Variants in B4GALT6 observed in about 807,000 individuals in gnomAD.
B4GALT6 encodes UDP-Gal:beta-GlcNAc beta-1,4-galactosyltransferase 6.
Under a neutral mutation model 46.3 loss-of-function variants are expected in B4GALT6, and 14 were observed. That is an observed-to-expected ratio of 0.30 (90% CI 0.20 to 0.47). The LOEUF is 0.47. Ranked by LOEUF, B4GALT6 falls within the 20% of genes least tolerant of loss-of-function variation. The pLI is 0.99. For missense variants in B4GALT6, 386 were observed against 480.1 expected, an observed-to-expected ratio of 0.80 and a Z score of 1.83; for synonymous variants, 168 against 162.0, an observed-to-expected ratio of 1.04 and a Z score of -0.28.
the B4GALT6 span, among the ~76,000 whole-genome samples, chr18:31,692,657 CA>C: frequency 2.0e-5 from 3 of 151,640 alleles, no homozygotes; most frequent in Admixed American, 6.6e-5. Context: ...ATTCAAATAA[CA>C]AAAAAAGACA....
At chr18:31,639,452 G>A (rs1461141765) in intron 4 of B4GALT6, among the ~76,000 whole-genome samples, 3 of 152,104 alleles carry the variant, frequency 2.0e-5, no homozygotes, top group Non-Finnish European at 4.4e-5. Context: ...TCCAGCCATA[G>A]CATACAAAAA....
upstream of B4GALT6, among the ~76,000 whole-genome samples, chr18:31,688,510 TGTA>T (rs1338488258): frequency 2.0e-5 from 3 of 152,092 alleles, no homozygotes; most frequent in Non-Finnish European, 4.4e-5. Context: ...AATTCTGTAT[TGTA>T]GTTAAAATTT....
chr18:31,648,096 C>G (rs1307964641), intron 3 of B4GALT6, among the ~76,000 whole-genome samples: 1 of 152,116 alleles, frequency 6.6e-6, no homozygotes, highest in Admixed American at 6.5e-5. Flanking sequence ...TTATTTCACT[C>G]GCTGAGATTT....
chr18:31,632,513 A>C (rs573478748), intron 5 of B4GALT6, among the ~76,000 whole-genome samples: 136 of 152,276 alleles, frequency 8.9e-4, no homozygotes, highest in African/African-American at 3.1e-3. Context: ...TTATTCCGGT[A>C]TTTATCTACA....
At chr18:31,631,396 G>T (rs2073789318) in intron 5 of B4GALT6, among the ~76,000 whole-genome samples, 1 of 151,770 alleles carries the variant, frequency 6.6e-6, no homozygotes, top group African/African-American at 2.4e-5. Context: ...GTTGCATCAT[G>T]ATCAAATGAT....
intron 1 of B4GALT6, 92 bp downstream of exon 1, chr18:31,684,220 A>C: frequency 6.3e-7 from 1 of 1,580,664 alleles, no homozygotes; most frequent in Non-Finnish European, 8.6e-7. Context: ...CCCCTGTTTG[A>C]ACAGCTTCCA....
chr18:31,634,551 C>T (rs958652878), intron 5 of B4GALT6, among the ~76,000 whole-genome samples: 10 of 152,164 alleles, frequency 6.6e-5, no homozygotes, highest in African/African-American at 2.4e-4. Context: ...TTAACCGAAA[C>T]GTGTGAAAAT....
the B4GALT6 span, among the ~76,000 whole-genome samples, chr18:31,708,851 A>G: frequency 1.3e-5 from 2 of 152,202 alleles, no homozygotes; most frequent in Non-Finnish European, 2.9e-5. Context: ...AGGTTTTCGA[A>G]TAAATGAATG....
chr18:31,657,805 G>A (rs1012907783), intron 3 of B4GALT6, among the ~76,000 whole-genome samples, 171 bp downstream of exon 3: 5 of 152,002 alleles, frequency 3.3e-5, no homozygotes, highest in African/African-American at 1.2e-4. Flanking sequence ...TTCAAAATGC[G>A]CTTTGCCAAA....
upstream of B4GALT6, among the ~76,000 whole-genome samples, chr18:31,688,467 CTA>C (rs1310079980): frequency 6.6e-6 from 1 of 151,648 alleles, no homozygotes; most frequent in East Asian, 1.9e-4. Flanking sequence ...TTTAATAATT[CTA>C]TATATATGAA....
At chr18:31,700,168 C>A in the B4GALT6 span, among the ~76,000 whole-genome samples, 1 of 151,974 alleles carries the variant, frequency 6.6e-6, no homozygotes, top group East Asian at 1.9e-4. Flanking sequence ...TATATTATAA[C>A]TCAATACATG....
the B4GALT6 span, among the ~76,000 whole-genome samples, chr18:31,723,795 G>A: frequency 6.6e-6 from 1 of 152,156 alleles, no homozygotes; most frequent in African/African-American, 2.4e-5. Context: ...CATTTTGCAG[G>A]TCAGTTGCTT....
At chr18:31,694,100 G>C in the B4GALT6 span, among the ~76,000 whole-genome samples, 2 of 152,182 alleles carry the variant, frequency 1.3e-5, no homozygotes, top group Admixed American at 1.3e-4. Context: ...TCTTAAAATA[G>C]GTCAAGGCAA....
chr18:31,691,921 G>A, the B4GALT6 span, among the ~76,000 whole-genome samples: 4 of 150,520 alleles, frequency 2.7e-5, no homozygotes, highest in African/African-American at 9.7e-5. Flanking sequence ...ATTCAAAAGA[G>A]AGAAAGAAAC....
At position 31,638,627 on chromosome 18, in the gene B4GALT6, A is replaced by G; in HGVS notation, c.588+17T>C. 1.3e-6 allele frequency: 2 copies of G among 1,557,646 alleles called. No homozygotes were observed. The highest frequency in any genetic ancestry group is 1.8e-6 in the Non-Finnish European group (2 of 1,128,968). ...GATTCTAGTATACTTAGTGACCACT[A>G]TGAAAAGTATTCTCACCTGTTCAAT... On this transcript the variant is annotated intron_variant, in intron 5 of 8. Coordinates refer to ENST00000306851, the MANE Select transcript of B4GALT6 (RefSeq NM_004775.5).
intron 3 of B4GALT6, among the ~76,000 whole-genome samples, chr18:31,656,639 GGGT>G (rs1567972934): frequency 6.6e-6 from 1 of 152,016 alleles, no homozygotes; most frequent in Non-Finnish European, 1.5e-5. Context: ...TATGGCCTCT[GGGT>G]AAGAAAAGGT....
At chr18:31,658,839 TG>T (rs2074175955) in intron 2 of B4GALT6, among the ~76,000 whole-genome samples, 3 of 152,178 alleles carry the variant, frequency 2.0e-5, no homozygotes, top group Admixed American at 1.3e-4. Flanking sequence ...TGTAAGGTGC[TG>T]AGAACAATCC....
chr18:31,632,087 C>A (rs1598869416), intron 5 of B4GALT6, among the ~76,000 whole-genome samples: 1 of 151,894 alleles, frequency 6.6e-6, no homozygotes, highest in Non-Finnish European at 1.5e-5. Context: ...GAGCATTTAC[C>A]AGTGTTTTAG....
At chr18:31,709,625 A>C in the B4GALT6 span, among the ~76,000 whole-genome samples, 1 of 146,064 alleles carries the variant, frequency 6.8e-6, no homozygotes. Flanking sequence ...CCTTCTATGT[A>C]ATCCTGCATT....
Sources: allele counts gnomAD v4.1 joint callset (sites outside exome capture counted in the v4.1 genomes callset), GRCh38; gene constraint gnomAD v4.1.1; transcripts MANE v1.5; gene names NCBI Gene and HGNC (gene_info 2026-07-23, HGNC 2026-07-21).